Variants in ADGRV1 observed in about 807,000 individuals in gnomAD.
ADGRV1 encodes G-protein coupled receptor 98.
A neutral mutation model predicts 596.2 loss-of-function variants in ADGRV1; 359 were observed. The observed-to-expected ratio is 0.60, with a 90% CI of 0.55 to 0.66. The LOEUF (loss-of-function observed/expected upper bound fraction) is 0.66. ADGRV1 is among the 30% of genes least tolerant of loss of function. ADGRV1 has a pLI of 0.00. For missense variants in ADGRV1, 7,274 were observed against 7,575.6 expected, an observed-to-expected ratio of 0.96 and a Z score of 1.48; for synonymous variants, 2,681 against 2,679.2, an observed-to-expected ratio of 1.00 and a Z score of -0.02.
At chr5:90,816,169 C>G (rs1178639701) in intron 75 of ADGRV1, among the ~76,000 whole-genome samples, 2 of 152,024 alleles carry the variant, frequency 1.3e-5, no homozygotes, top group Admixed American at 6.6e-5. Context: ...CCATTTTGGG[C>G]CTAAATAATC....
chr5:91,116,409 A>G (rs992272611), intron 87 of ADGRV1, among the ~76,000 whole-genome samples: 1 of 152,250 alleles, frequency 6.6e-6, no homozygotes, highest in East Asian at 1.9e-4. Flanking sequence ...TCAACCAAAG[A>G]ATGTGAAATT....
intron 11 of ADGRV1, among the ~76,000 whole-genome samples, chr5:90,638,539 GT>G (rs56085950): frequency 7.4e-5 from 11 of 148,530 alleles, no homozygotes; most frequent in East Asian, 2.0e-4. Flanking sequence ...CTCTCAAAGA[GT>G]TTTTTTTTTC....
intron 68 of ADGRV1, 39 bp from the exon 69 acceptor site, chr5:90,789,663 G>T (rs1463561284): frequency 7.9e-7 from 1 of 1,273,038 alleles, no homozygotes; most frequent in Admixed American, 2.1e-5. Flanking sequence ...CATCCCTATT[G>T]TTTTATAAAT....
chr5:90,948,643 A>G (rs139547341), intron 83 of ADGRV1, among the ~76,000 whole-genome samples: 14 of 152,268 alleles, frequency 9.2e-5, no homozygotes, highest in African/African-American at 2.6e-4. Context: ...TTTAAAATGC[A>G]TTAAATATAC....
At chr5:90,726,441 G>A (rs936075080) in intron 48 of ADGRV1, among the ~76,000 whole-genome samples, 2 of 151,872 alleles carry the variant, frequency 1.3e-5, no homozygotes, top group African/African-American at 4.8e-5. Flanking sequence ...CCCTTCTATA[G>A]TAAGACATCC....
chr5:90,660,712 A>C (rs1475217247), intron 21 of ADGRV1, among the ~76,000 whole-genome samples: 1 of 152,174 alleles, frequency 6.6e-6, no homozygotes. Context: ...GTCTATTTTA[A>C]ATTGAAATAA....
rs969523592 is a variant in ADGRV1, at chr5:90,815,448, T to G, written c.16079-171T>G. Among the ~76,000 whole-genome samples, 8 of 152,232 alleles carry G rather than the reference T, an allele frequency of 5.3e-5. 1 individual carries two copies. Among genetic ancestry groups the G allele is most frequent in the Admixed American group, 4.6e-4 (7 of 15,268 alleles). ...TTCTATTCCCAGTTAGACACCTTGA[T>G]GTTATCACAGTTTAGTTTATTTTTA... On this transcript the variant is annotated intron_variant, in intron 74 of 89. Coordinates refer to ENST00000405460, the MANE Select transcript of ADGRV1 (RefSeq NM_032119.4).
At chr5:90,974,583 A>G (rs1187071694) in intron 84 of ADGRV1, among the ~76,000 whole-genome samples, 1 of 152,200 alleles carries the variant, frequency 6.6e-6, no homozygotes, top group Non-Finnish European at 1.5e-5. Context: ...AAACCTGAGA[A>G]AAACAAGCAA....
At chr5:90,829,724 AG>A (rs1417495533) in intron 77 of ADGRV1, among the ~76,000 whole-genome samples, 1 of 152,132 alleles carries the variant, frequency 6.6e-6, no homozygotes, top group Non-Finnish European at 1.5e-5. Flanking sequence ...CATAACACTA[AG>A]TCACCAGACC....
chr5:90,739,537 G>A (rs1293820445), intron 50 of ADGRV1, among the ~76,000 whole-genome samples: 1 of 152,156 alleles, frequency 6.6e-6, no homozygotes, highest in Non-Finnish European at 1.5e-5. Flanking sequence ...TTGTATTTGG[G>A]CTGGGCTGTT....
At chr5:90,571,457 G>A (rs942697257) in intron 1 of ADGRV1, among the ~76,000 whole-genome samples, 1 of 152,092 alleles carries the variant, frequency 6.6e-6, no homozygotes, top group Non-Finnish European at 1.5e-5. Context: ...TTTTAAATTT[G>A]CAATAAATGT....
chr5:91,074,049 A>C (rs1320425089), intron 86 of ADGRV1, among the ~76,000 whole-genome samples: 7 of 152,228 alleles, frequency 4.6e-5, no homozygotes, highest in Non-Finnish European at 8.8e-5. Context: ...TTAATAAAAA[A>C]TATTCAATGT....
intron 76 of ADGRV1, 79 bp from the exon 77 acceptor site, chr5:90,828,865 A>G: frequency 1.2e-6 from 1 of 837,462 alleles, no homozygotes; most frequent in Non-Finnish European, 1.7e-6. Context: ...TGAATTATAC[A>G]ATATTTAAAT....
rs554970769 is a variant in ADGRV1, at chr5:90,961,893, G to T, written c.17857-3522G>T. Among the ~76,000 whole-genome samples the T allele has an allele frequency of 2.4e-4, 36 of 152,162 alleles. 1 individual carries two copies. In the South Asian group the frequency reaches 6.6e-3, roughly 28 times the overall value. ...TGGAATTGAGAATAGTATTATATTTGCTCTTGGCATTATATTTGATTGTCA... is the reference window on the plus strand; with the variant it reads ...TGGAATTGAGAATAGTATTATATTTTCTCTTGGCATTATATTTGATTGTCA... On this transcript the variant is annotated intron_variant, in intron 83 of 89. Coordinates refer to ENST00000405460, the MANE Select transcript of ADGRV1 (RefSeq NM_032119.4).
intron 1 of ADGRV1, among the ~76,000 whole-genome samples, chr5:90,569,379 A>G (rs1203484776): frequency 4.5e-5 from 1 of 22,292 alleles, no homozygotes; most frequent in South Asian, 2.4e-3. Flanking sequence ...ATATATATAT[A>G]TATATATATT....
At chr5:90,870,862 T>C (rs540931479) in intron 83 of ADGRV1, among the ~76,000 whole-genome samples, 2 of 152,300 alleles carry the variant, frequency 1.3e-5, no homozygotes, top group African/African-American at 4.8e-5. Context: ...GAAAGGGTAA[T>C]AGGAATTAGT....
chr5:90,669,135 A>G (rs1772051082), intron 21 of ADGRV1, among the ~76,000 whole-genome samples: 1 of 152,234 alleles, frequency 6.6e-6, no homozygotes, highest in Non-Finnish European at 1.5e-5. Flanking sequence ...AAGTGGTAGA[A>G]TGAGGAAGCT....
intron 81 of ADGRV1, among the ~76,000 whole-genome samples, chr5:90,854,629 A>G (rs1039588116): frequency 6.6e-6 from 1 of 152,198 alleles, no homozygotes; most frequent in African/African-American, 2.4e-5. Flanking sequence ...CTTGAAGTAC[A>G]TTTTGAGATT....
chr5:90,570,668 T>C (rs1756402786), intron 1 of ADGRV1, among the ~76,000 whole-genome samples: 1 of 152,102 alleles, frequency 6.6e-6, no homozygotes, highest in South Asian at 2.1e-4. Context: ...GTTACTTTCA[T>C]GTTCACTGAT....
Sources: gnomAD v4.1 joint callset for allele counts (sites outside exome capture counted in the v4.1 genomes callset) on GRCh38, gnomAD v4.1.1 for gene constraint, MANE v1.5 for transcripts, NCBI Gene and HGNC (gene_info 2026-07-23, HGNC 2026-07-21) for gene names.